The following NLRP12 variants were observed in gnomAD, a reference collection of about 807,000 sequenced individuals.
The protein encoded by NLRP12 is NLR family pyrin domain containing 12, also known as NACHT, LRR and PYD domains-containing protein 12.
Under a neutral mutation model 91.2 loss-of-function variants are expected in NLRP12, and 108 were observed. The observed-to-expected ratio is 1.18, with a 90% CI of 1.01 to 1.39. The LOEUF is 1.39. Among genes scored for constraint, NLRP12 ranks in the 40% most tolerant of loss-of-function variants. The pLI is 0.00. For missense variants in NLRP12, 1,530 were observed against 1,352.7 expected (o/e 1.13, Z -2.06); for synonymous variants, 613 against 566.7 (o/e 1.08, Z -1.16).
rs531637211 is a variant in NLRP12, at chr19:53,801,442, C to CTTTTTTT, written c.2586-46_2586-45insAAAAAAA. The CTTTTTTT allele has an allele frequency of 1.5e-4, 201 of 1,304,508 alleles. 8 individuals carry two copies. In the African/African-American group the frequency reaches 2.2e-3, roughly 14 times the overall value. The allele number at this position is 1,304,508 out of a possible 1,614,324, so 80.8% of individuals were successfully genotyped here. A position where few individuals can be genotyped will look rare whatever the true frequency, so the allele number is the denominator to read the frequency against. Reference sequence around the variant, plus strand: ...ACAAGCATTATGGAGGCTTTCCTTTCTTTTTCTTTTTTTTTTTTTTTTTTT... The same window carrying CTTTTTTT: ...ACAAGCATTATGGAGGCTTTCCTTTCTTTTTTTTTTTTCTTTTTTTTTTTTTTTTTTT... On this transcript the variant is annotated intron_variant, in intron 6 of 9. Transcript: ENST00000324134.
rs763650831 is a variant in NLRP12, at chr19:53,811,081, G to C, written c.578C>G (p.Pro193Arg). 6.2e-7 allele frequency: 1 copy of C among 1,613,696 alleles called. No homozygotes were observed. The highest frequency in any genetic ancestry group is 8.5e-7 in the Non-Finnish European group (1 of 1,179,672). Residue 193 changes from proline (P) to arginine (R), a missense_variant, in exon 3 of 10, where the codon CCC (proline) becomes CGC (arginine). Transcript: ENST00000324134. Reference sequence around the variant, plus strand: ...CTCAAAGAGGGTCTCTATCTTGATGGGGCTAGCCTGGTGTCCCACGGTCCT... The same window carrying C: ...CTCAAAGAGGGTCTCTATCTTGATGCGGCTAGCCTGGTGTCCCACGGTCCT... ...HARTVGHQASPIKIETLFEPD... is the reference protein window; with the variant it reads ...HARTVGHQASRIKIETLFEPD...
chr19:53,813,672 C>A (rs550035708), intron 2 of NLRP12, among the ~76,000 whole-genome samples: 1 of 151,452 alleles, frequency 6.6e-6, no homozygotes, highest in Admixed American at 6.6e-5. Flanking sequence ...TGGAATCATA[C>A]AATATTTGTA....
rs34728764 is a variant in NLRP12, at chr19:53,799,010, AT to A, written c.2757-598del. On this transcript the variant is annotated intron_variant, in intron 7 of 9. Transcript: ENST00000324134. The stretch of plus-strand genomic sequence containing the variant: ...ACCCGCCTCAGCCTCCTATCTACAA[AT>A]TTTTTTTTTTTTTTTTTTTGAGACA... Among the ~76,000 whole-genome samples, 406 of 119,598 alleles carry A rather than the reference AT, an allele frequency of 3.4e-3. 5 individuals are homozygous for A. Among genetic ancestry groups the A allele is most frequent in the African/African-American group, 8.6e-3 (261 of 30,262 alleles). 78.5% of individuals were successfully genotyped at this position (119,598 alleles called of 152,430 possible).
rs1555799936 is a variant in NLRP12 at position 53,823,423 on chromosome 19, T to TATATATTTTTAAA, written c.289+462_289+463insTTTAAAAATATAT. Reference sequence around the variant, plus strand: ...ATATATTTAAAATATATGTTTTAAATATATATATTTAAAATATATGTTTTA... The same window carrying TATATATTTTTAAA: ...ATATATTTAAAATATATGTTTTAAATATATATTTTTAAAATATATATTTAAAATATATGTTTTA... On this transcript the variant is annotated intron_variant, in intron 1 of 9. Transcript: ENST00000324134. Among the ~76,000 whole-genome samples, 1,072 of 109,858 alleles carry TATATATTTTTAAA rather than the reference T, an allele frequency of 9.8e-3. 27 individuals are homozygous for TATATATTTTTAAA. Among genetic ancestry groups the TATATATTTTTAAA allele is most frequent in the African/African-American group, 0.038 (1,008 of 26,486 alleles). The allele number at this position is 109,858 out of a possible 152,430, so 72.1% of individuals were successfully genotyped here.
In NLRP12 at chr19:53,809,603, T is replaced by C. The variant is rs1020226424; in HGVS notation, c.2056A>G (p.Thr686Ala). Reference protein sequence around the residue: ...DRARCSAGAHTLLVQLPERTV... With the variant: ...DRARCSAGAHALLVQLPERTV... ...GATACTTACAGCTGCACCAACAGCG[T>C]GTGCGCTCCTGCGGAGCACCTCGCG... Residue 686 changes from threonine (T) to alanine (A), a missense_variant, in exon 3 of 10, where the codon ACG becomes GCG. Coordinates refer to ENST00000324134, the MANE Select transcript of NLRP12 (RefSeq NM_144687.4). 5 of 1,606,632 alleles carry C rather than the reference T, an allele frequency of 3.1e-6. No homozygotes were observed. The highest frequency in any genetic ancestry group is 3.4e-6 in the Non-Finnish European group (4 of 1,176,836).
At chr19:53,801,952 G>A (rs1488652424) in intron 6 of NLRP12, among the ~76,000 whole-genome samples, 1 of 152,038 alleles carries the variant, frequency 6.6e-6, no homozygotes, top group Non-Finnish European at 1.5e-5. Flanking sequence ...ATTAGACTGG[G>A]CACAGTGGCT....
In NLRP12 at chr19:53,824,238, A is replaced by G. The variant is rs984023990; in HGVS notation, c.-64T>C. ...TGAGATGCTCCTATGCACGGGACACAGGGCGACCCCAGCACACCTTCCATT... is the reference window on the plus strand; with the variant it reads ...TGAGATGCTCCTATGCACGGGACACGGGGCGACCCCAGCACACCTTCCATT... On this transcript the variant is annotated 5_prime_UTR_variant, in exon 1 of 10. Coordinates refer to ENST00000324134, the MANE Select transcript of NLRP12 (RefSeq NM_144687.4). The G allele has an allele frequency of 2.6e-6, 4 of 1,542,512 alleles. No individual in the cohort carries two copies. The East Asian group carries it at 9.0e-5, about 35-fold the overall frequency.
chr19:53,800,339 T>C (rs2091847032), intron 7 of NLRP12, among the ~76,000 whole-genome samples: 1 of 151,928 alleles, frequency 6.6e-6, no homozygotes, highest in Non-Finnish European at 1.5e-5. Context: ...TGTGGTGGCA[T>C]GCGCTTGCAG....
intron 7 of NLRP12, among the ~76,000 whole-genome samples, chr19:53,800,751 T>G (rs2091855087): frequency 6.6e-6 from 1 of 152,036 alleles, no homozygotes. Context: ...CCTGGCTACT[T>G]TTGTATTTTT....
At position 53,798,428 on chromosome 19, in the gene NLRP12, T is replaced by C; in HGVS notation, c.2757-15A>G. The C allele has an allele frequency of 6.2e-7, 1 of 1,612,618 alleles. No homozygotes were observed. Among genetic ancestry groups the C allele is most frequent in the Non-Finnish European group, 8.5e-7 (1 of 1,179,414 alleles). On this transcript the variant is annotated splice_polypyrimidine_tract_variant and intron_variant, in intron 7 of 9. Coordinates refer to ENST00000324134, the MANE Select transcript of NLRP12 (RefSeq NM_144687.4). ...AGATGCCCAACCTGCAAAGACAGGATGCTAGGGCGGAGTGGGAGGCATTCC... is the reference window on the plus strand; with the variant it reads ...AGATGCCCAACCTGCAAAGACAGGACGCTAGGGCGGAGTGGGAGGCATTCC...
chr19:53,823,423 T>TATATTTTTAAAATATATATTTAAA (rs1363310431), intron 1 of NLRP12, among the ~76,000 whole-genome samples: 3 of 109,894 alleles, frequency 2.7e-5, no homozygotes, highest in Admixed American at 1.2e-4. Flanking sequence ...ATGTTTTAAA[T>TATATTTTTAAAATATATATTTAAA]ATATATATTT....
At position 53,823,872 on chromosome 19, in the gene NLRP12, C is replaced by G. The variant is rs777899039; in HGVS notation, c.289+14G>C. ...GCTGGCATTCTAGCCTTGCCTGTCC[C>G]GCCACCTCCTTACCCCTCACCAGGT... On this transcript the variant is annotated intron_variant, in intron 1 of 9. Transcript: ENST00000324134. 26 of 1,613,644 alleles carry G rather than the reference C, an allele frequency of 1.6e-5. No homozygotes were observed. Among genetic ancestry groups the G allele is most frequent in the Non-Finnish European group, 2.2e-5 (26 of 1,179,986 alleles).
chr19:53,809,768 T>C lies in NLRP12; in HGVS notation c.1891A>G (p.Ser631Gly), dbSNP rs757216398. The C allele has an allele frequency of 6.2e-7, 1 of 1,613,996 alleles. No homozygotes were observed. The highest frequency in any genetic ancestry group is 1.7e-5 in the Admixed American group (1 of 59,962). ...QEEEFIQQALSHFQVIVVSNI... is the reference protein window; with the variant it reads ...QEEEFIQQALGHFQVIVVSNI... ...CTGACCACGATCACCTGGAAGTGGC[T>C]CAGGGCCTGCTGGATAAACTCCTCC... The change falls in exon 3 of 10, where the codon AGC becomes GGC. Residue 631 changes from serine to glycine, a missense_variant. Coordinates refer to ENST00000324134, the MANE Select transcript of NLRP12 (RefSeq NM_144687.4).
intron 4 of NLRP12, chr19:53,805,798 G>A (rs972374599): frequency 3.7e-5 from 13 of 352,200 alleles, no homozygotes; most frequent in South Asian, 1.4e-4. Context: ...AATTACAGGC[G>A]TGAGCCATCA....
At position 53,801,951 on chromosome 19, in the gene NLRP12, G is replaced by A. The variant is rs1034635255; in HGVS notation, c.2586-554C>T. Among the ~76,000 whole-genome samples the A allele has an allele frequency of 3.4e-4, 52 of 152,142 alleles. 1 individual carries two copies. The highest frequency in any genetic ancestry group is 6.2e-4 in the South Asian group (3 of 4,818). ...CTACTAATAATACAAAATTAGACTG[G>A]GCACAGTGGCTCATGCCTGTAATCT... On this transcript the variant is annotated intron_variant, in intron 6 of 9. Transcript: ENST00000324134.
intron 4 of NLRP12, among the ~76,000 whole-genome samples, chr19:53,806,695 AAAAAAAAAAG>A: frequency 6.7e-6 from 1 of 148,552 alleles, no homozygotes; most frequent in Non-Finnish European, 1.5e-5. Flanking sequence ...AAAAAAAAAA[AAAAAAAAAAG>A]AAATTAGCCG....
chr19:53,796,947 G>A (rs572865272), intron 8 of NLRP12, among the ~76,000 whole-genome samples: 306 of 145,184 alleles, frequency 2.1e-3, no homozygotes, highest in Middle Eastern at 0.018. Flanking sequence ...AGCCAAGATC[G>A]TGCCACTGCA....
chr19:53,802,003 G>A (rs2091883375), intron 6 of NLRP12, among the ~76,000 whole-genome samples: 1 of 152,032 alleles, frequency 6.6e-6, no homozygotes, highest in Non-Finnish European at 1.5e-5. Context: ...TGAGATGGGT[G>A]GATCACCTGA....
chr19:53,819,337 C>G (rs903208882), intron 1 of NLRP12, among the ~76,000 whole-genome samples: 5 of 143,146 alleles, frequency 3.5e-5, no homozygotes, highest in Admixed American at 2.8e-4. Context: ...CTCCGCCTCC[C>G]GGGTTCAAGT....
Sources: allele counts gnomAD v4.1 joint callset (sites outside exome capture counted in the v4.1 genomes callset), GRCh38; gene constraint gnomAD v4.1.1; transcripts MANE v1.5; gene names NCBI Gene and HGNC (gene_info 2026-07-23, HGNC 2026-07-21).